SCRG1: variants seen among roughly 807,000 people sequenced by gnomAD.
The protein encoded by SCRG1 is scrapie-responsive protein 1.
Under a neutral mutation model 7.7 loss-of-function variants are expected in SCRG1, and 3 were observed. That is an observed-to-expected ratio of 0.39 (90% CI 0.18 to 1.01). SCRG1 has a LOEUF of 1.01. Ranked by LOEUF, SCRG1 falls within the 50% of genes least tolerant of loss-of-function variation. The pLI is 0.36. For synonymous variants in SCRG1, 46 were observed against 41.2 expected (o/e 1.12, Z -0.44); for missense variants, 110 against 117.2 (o/e 0.94, Z 0.28).
At chr4:173,413,511 C>CACACACACACACACACACACACACACA in the SCRG1 span, among the ~76,000 whole-genome samples, 1 of 152,166 alleles carries the variant, frequency 6.6e-6, no homozygotes, top group African/African-American at 2.4e-5. Context: ...AAAACCATTC[C>CACACACACACACACACACACACACACA]ATCAGAGGAG....
At chr4:173,425,295 G>A in the SCRG1 span, among the ~76,000 whole-genome samples, 1 of 152,192 alleles carries the variant, frequency 6.6e-6, no homozygotes, top group Non-Finnish European at 1.5e-5. Context: ...TTTTCCAAAA[G>A]ACTTCACATG....
chr4:173,415,173 T>C, the SCRG1 span, among the ~76,000 whole-genome samples: 1 of 152,264 alleles, frequency 6.6e-6, no homozygotes, highest in South Asian at 2.1e-4. Flanking sequence ...AGTCATTTCA[T>C]AAATTAAATA....
chr4:173,420,636 A>C, the SCRG1 span, among the ~76,000 whole-genome samples: 2 of 152,068 alleles, frequency 1.3e-5, no homozygotes, highest in Non-Finnish European at 2.9e-5. Context: ...TCGATCATGA[A>C]AACTGCACAT....
chr4:173,456,609 T>C, the SCRG1 span, among the ~76,000 whole-genome samples: 3 of 152,198 alleles, frequency 2.0e-5, no homozygotes, highest in Non-Finnish European at 4.4e-5. Context: ...TGCACACTTA[T>C]TTGAAAACAT....
At chr4:173,416,206 C>CA in the SCRG1 span, among the ~76,000 whole-genome samples, 8 of 152,238 alleles carry the variant, frequency 5.3e-5, no homozygotes, top group African/African-American at 1.9e-4. Flanking sequence ...TTATCCTGCT[C>CA]AAAGCCTCTT....
the SCRG1 span, among the ~76,000 whole-genome samples, chr4:173,445,581 C>CT: frequency 3.6e-4 from 3 of 8,274 alleles, no homozygotes; most frequent in Non-Finnish European, 1.1e-3. Context: ...GACTCCGTCT[C>CT]GGAAAAAAAA....
chr4:173,460,754 G>T, the SCRG1 span, among the ~76,000 whole-genome samples: 47,105 of 152,040 alleles, frequency 0.31, 7,579 homozygotes, highest in South Asian at 0.47. Flanking sequence ...AAAGTACCAA[G>T]TGGGCTCCTA....
At chr4:173,393,158 G>A (rs1016867235) in intron 1 of SCRG1, among the ~76,000 whole-genome samples, 1 of 151,756 alleles carries the variant, frequency 6.6e-6, no homozygotes, top group Admixed American at 6.6e-5. Context: ...TAGTGATTAG[G>A]TATCTTTTAA....
the SCRG1 span, among the ~76,000 whole-genome samples, chr4:173,518,251 G>T: frequency 1.3e-5 from 2 of 152,084 alleles, no homozygotes; most frequent in African/African-American, 2.4e-5. Flanking sequence ...ACCTTCCTCT[G>T]CCTTTCTGCC....
chr4:173,462,313 A>G, the SCRG1 span, among the ~76,000 whole-genome samples: 1 of 151,964 alleles, frequency 6.6e-6, no homozygotes, highest in Non-Finnish European at 1.5e-5. Context: ...CAGCAAAAGA[A>G]AAGAAACAAA....
chr4:173,495,432 T>C, the SCRG1 span, among the ~76,000 whole-genome samples: 2 of 152,350 alleles, frequency 1.3e-5, no homozygotes, highest in East Asian at 3.9e-4. Context: ...GAAACTGCCT[T>C]TCCATGGATT....
At chr4:173,444,503 T>C in the SCRG1 span, among the ~76,000 whole-genome samples, 1 of 152,228 alleles carries the variant, frequency 6.6e-6, no homozygotes, top group Non-Finnish European at 1.5e-5. Flanking sequence ...TGAATGGGTA[T>C]GGCTGTGTTA....
rs765701134 is a variant in SCRG1, at chr4:173,395,795, G to A, written c.-15+3273C>T. 5.3e-5 allele frequency among the ~76,000 whole-genome samples: 8 copies of A among 152,230 alleles called. 1 individual carries two copies. Among genetic ancestry groups the A allele is most frequent in the Non-Finnish European group, 1.2e-4 (8 of 68,038 alleles). On this transcript the variant is annotated intron_variant, in intron 1 of 2. Coordinates refer to ENST00000296506, the MANE Select transcript of SCRG1 (RefSeq NM_007281.4). ...ATATGACTACAATTGGATATGGGGA[G>A]TGGGAAATTCATAGAGCTGATTAAT...
At chr4:173,411,459 G>C in the SCRG1 span, among the ~76,000 whole-genome samples, 1 of 152,134 alleles carries the variant, frequency 6.6e-6, no homozygotes, top group Non-Finnish European at 1.5e-5. Context: ...CCCAGAATGG[G>C]GGTCGGGGTT....
the SCRG1 span, chr4:173,469,171 C>T: frequency 6.6e-6 from 1 of 152,108 alleles, no homozygotes; most frequent in Non-Finnish European, 1.5e-5. Flanking sequence ...TGGTGATGGG[C>T]CATGAAAAAT....
At chr4:173,474,148 G>A in the SCRG1 span, among the ~76,000 whole-genome samples, 1 of 152,052 alleles carries the variant, frequency 6.6e-6, no homozygotes. Context: ...TCCAGCCTGG[G>A]TGACATAGCG....
intron 1 of SCRG1, chr4:173,398,525 G>A (rs867408524): frequency 6.6e-6 from 1 of 152,216 alleles, no homozygotes; most frequent in African/African-American, 2.4e-5. Context: ...TACAGACACT[G>A]TTGTGTTCCA....
chr4:173,501,305 C>T, the SCRG1 span, among the ~76,000 whole-genome samples: 5 of 152,314 alleles, frequency 3.3e-5, no homozygotes, highest in East Asian at 1.9e-4. The surrounding 1 kb of genome is among the most constrained non-coding windows in gnomAD (Gnocchi z 5.1). Context: ...ATTGGCTACA[C>T]CAGGGCCCCC....
At chr4:173,497,673 CTTT>C in the SCRG1 span, among the ~76,000 whole-genome samples, 15 of 91,874 alleles carry the variant, frequency 1.6e-4, no homozygotes, top group East Asian at 3.3e-3. Context: ...AAAACTTACT[CTTT>C]TTTTTTTTTT....
Sources: gnomAD v4.1 joint callset for allele counts (sites outside exome capture counted in the v4.1 genomes callset) on GRCh38, gnomAD v4.1.1 for gene constraint, Gnocchi (gnomAD v3.1) non-coding constraint, MANE v1.5 for transcripts, NCBI Gene and HGNC (gene_info 2026-07-23, HGNC 2026-07-21) for gene names.